SV2C: variants seen among roughly 807,000 people sequenced by gnomAD.
SV2C encodes the protein solute carrier family 22 member B3.
A neutral mutation model predicts 79.7 loss-of-function variants in SV2C; 49 were observed. The ratio of observed to expected loss-of-function variants is 0.61; its 90% CI spans 0.49 to 0.78. The LOEUF (loss-of-function observed/expected upper bound fraction) is 0.78, where lower values mean the gene tolerates loss of function less well. Among genes scored for constraint, SV2C ranks in the 30% least tolerant of loss-of-function variants. The pLI is 0.00. For missense variants in SV2C, 833 were observed against 912.9 expected (o/e 0.91, Z 1.13); for synonymous variants, 334 against 333.2 (o/e 1.00, Z -0.03).
At chr5:76,226,771 G>A (rs1745259559) in intron 4 of SV2C, among the ~76,000 whole-genome samples, 2 of 152,312 alleles carry the variant, frequency 1.3e-5, no homozygotes, top group East Asian at 1.9e-4. Flanking sequence ...GCACTGGCCA[G>A]GAGAGGAAGA....
chr5:75,911,128 G>T, the SV2C span: 1 of 1,557,334 alleles, frequency 6.4e-7, no homozygotes, highest in Non-Finnish European at 8.8e-7. Flanking sequence ...CTTAGAAGAT[G>T]AGGAAATAGA....
chr5:76,000,821 A>G, the SV2C span, among the ~76,000 whole-genome samples: 459 of 152,192 alleles, frequency 3.0e-3, 4 homozygotes, highest in African/African-American at 0.011. Context: ...TTTAATTCCT[A>G]AAAGAATCAC....
the SV2C span, among the ~76,000 whole-genome samples, chr5:75,957,510 C>T: frequency 6.6e-6 from 1 of 152,104 alleles, no homozygotes; most frequent in East Asian, 1.9e-4. Context: ...GAGGAAGGAT[C>T]CCCTTGAATG....
the SV2C span, among the ~76,000 whole-genome samples, chr5:76,049,339 GA>G: frequency 3.7e-5 from 5 of 135,466 alleles, no homozygotes; most frequent in South Asian, 2.4e-4. Flanking sequence ...AAAAAAAAAA[GA>G]AAAAAAAAAT....
intron 4 of SV2C, among the ~76,000 whole-genome samples, chr5:76,270,439 A>T (rs1261513341): frequency 6.6e-6 from 1 of 152,228 alleles, no homozygotes; most frequent in Non-Finnish European, 1.5e-5. Context: ...AAACAAGAGT[A>T]AAGGATTCTG....
At chr5:76,174,320 C>A in intron 2 of SV2C, 1 of 801,848 alleles carries the variant, frequency 1.2e-6, no homozygotes, top group Non-Finnish European at 2.0e-6. Context: ...CGCGCCGCTC[C>A]GGCTGGTTTA....
chr5:75,933,146 T>A, the SV2C span, among the ~76,000 whole-genome samples: 99 of 152,340 alleles, frequency 6.5e-4, no homozygotes, highest in Admixed American at 5.4e-3. Flanking sequence ...AGTGCTTAAC[T>A]TGACTGTCAC....
the SV2C span, among the ~76,000 whole-genome samples, chr5:76,037,362 C>G: frequency 3.9e-5 from 6 of 152,102 alleles, no homozygotes; most frequent in Admixed American, 3.9e-4. Flanking sequence ...TGTTTTTTTC[C>G]CCATCTTTGT....
the SV2C span, among the ~76,000 whole-genome samples, chr5:75,855,406 T>G: frequency 6.6e-6 from 1 of 152,164 alleles, no homozygotes; most frequent in South Asian, 2.1e-4. Flanking sequence ...ACTTTTGTGA[T>G]AGATTCTTAA....
intron 1 of SV2C, among the ~76,000 whole-genome samples, chr5:76,105,392 C>T (rs1747878146): frequency 6.6e-6 from 1 of 152,110 alleles, no homozygotes; most frequent in South Asian, 2.1e-4. Context: ...CATCATAGCC[C>T]TCTCACAGAC....
At chr5:76,275,264 G>A (rs961044829) in intron 4 of SV2C, among the ~76,000 whole-genome samples, 4 of 152,142 alleles carry the variant, frequency 2.6e-5, no homozygotes, top group African/African-American at 7.2e-5. Flanking sequence ...GAGGCGGGCA[G>A]ATCACGAGGT....
At chr5:75,993,527 T>A in the SV2C span, among the ~76,000 whole-genome samples, 1 of 152,184 alleles carries the variant, frequency 6.6e-6, no homozygotes, top group South Asian at 2.1e-4. Flanking sequence ...AAACGGACAC[T>A]GGCTCAAAGG....
the SV2C span, among the ~76,000 whole-genome samples, chr5:75,987,700 A>G: frequency 6.6e-6 from 1 of 152,068 alleles, no homozygotes; most frequent in Non-Finnish European, 1.5e-5. Flanking sequence ...ATAAAATAAA[A>G]GTAGGTTTGT....
At chr5:76,260,090 A>G (rs1021367859) in intron 4 of SV2C, among the ~76,000 whole-genome samples, 2 of 152,196 alleles carry the variant, frequency 1.3e-5, no homozygotes, top group African/African-American at 4.8e-5. Context: ...ATTTCTCCAC[A>G]TCCTCTCCAG....
chr5:75,985,304 A>G, the SV2C span, among the ~76,000 whole-genome samples: 16,353 of 151,928 alleles, frequency 0.11, 960 homozygotes, highest in Middle Eastern at 0.18. Flanking sequence ...ATCTGCTCCT[A>G]TGATCCAAAC....
At chr5:76,070,284 C>T in the SV2C span, among the ~76,000 whole-genome samples, 6,308 of 152,252 alleles carry the variant, frequency 0.041, 423 homozygotes, top group African/African-American at 0.14. Context: ...CATCAAGTGT[C>T]CTGTTTATGT....
the SV2C span, among the ~76,000 whole-genome samples, chr5:75,858,071 C>A: frequency 6.6e-6 from 1 of 152,088 alleles, no homozygotes; most frequent in Non-Finnish European, 1.5e-5. Context: ...TGACTTCTTC[C>A]TTTTTAACGT....
At chr5:75,858,482 A>G in the SV2C span, among the ~76,000 whole-genome samples, 2 of 152,086 alleles carry the variant, frequency 1.3e-5, no homozygotes, top group Admixed American at 6.5e-5. Flanking sequence ...GACCTTTTTA[A>G]CGTGTTGTTG....
the SV2C span, among the ~76,000 whole-genome samples, chr5:76,037,783 T>C: frequency 7.2e-5 from 11 of 152,206 alleles, no homozygotes; most frequent in African/African-American, 2.7e-4. Context: ...CCCTTGGAGC[T>C]TCCTGGCTGC....
Sources: gnomAD v4.1 joint callset for allele counts (sites outside exome capture counted in the v4.1 genomes callset) on GRCh38, gnomAD v4.1.1 for gene constraint, MANE v1.5 for transcripts, NCBI Gene and HGNC (gene_info 2026-07-23, HGNC 2026-07-21) for gene names.